The following RAB10 variants were observed in gnomAD, a reference collection of about 807,000 sequenced individuals.
The protein encoded by RAB10 is RAB10, member RAS oncogene family, also known as ras-related protein Rab-10.
Under a neutral mutation model 25.7 loss-of-function variants are expected in RAB10, and 5 were observed. The observed-to-expected ratio is 0.19, with a 90% CI of 0.10 to 0.41. RAB10 has a LOEUF of 0.41. RAB10 is among the 10% of genes least tolerant of loss of function. RAB10 has a pLI of 1.00. For missense variants in RAB10, 103 were observed against 245.8 expected (o/e 0.42, Z 3.89); for synonymous variants, 89 against 86.4 (o/e 1.03, Z -0.16).
intron 1 of RAB10, among the ~76,000 whole-genome samples, chr2:26,073,863 A>G (rs1321125865): frequency 6.6e-6 from 1 of 152,176 alleles, no homozygotes; most frequent in Non-Finnish European, 1.5e-5. Context: ...ATAGAATCGG[A>G]GGGTTTCTAG....
At chr2:26,118,614 C>T (rs1488257060) in intron 3 of RAB10, among the ~76,000 whole-genome samples, 4 of 152,124 alleles carry the variant, frequency 2.6e-5, no homozygotes, top group Admixed American at 6.5e-5. Context: ...AGACAGTGAT[C>T]TCTAAATCTG....
In RAB10 at chr2:26,034,490, C is replaced by A; in HGVS notation, c.-119C>A. On this transcript the variant is annotated 5_prime_UTR_variant, in exon 1 of 6. Coordinates refer to ENST00000264710, the MANE Select transcript of RAB10 (RefSeq NM_016131.5). ...GTAGGTCGCCCGCGCCGTCTCGAGC[C>A]TTTTTCCCACGCTTCCCCGGTCCTC... 7.1e-7 allele frequency: 1 copy of A among 1,414,466 alleles called. No individual in the cohort carries two copies. The highest frequency in any genetic ancestry group is 9.6e-7 in the Non-Finnish European group (1 of 1,045,784). The allele number at this position is 1,414,466 out of a possible 1,614,324, so 87.6% of individuals were successfully genotyped here.
At chr2:26,122,074 T>A (rs1303787501) in intron 3 of RAB10, among the ~76,000 whole-genome samples, 1 of 152,194 alleles carries the variant, frequency 6.6e-6, no homozygotes, top group Non-Finnish European at 1.5e-5. Flanking sequence ...GAAGCAATCC[T>A]GAGAAACAGA....
intron 3 of RAB10, among the ~76,000 whole-genome samples, chr2:26,119,032 G>C (rs1446689327): frequency 4.6e-5 from 7 of 152,292 alleles, no homozygotes; most frequent in African/African-American, 1.2e-4. Flanking sequence ...TCTGAGTGCT[G>C]TTTTATTGGT....
chr2:26,117,380 G>A (rs962874204), intron 3 of RAB10, among the ~76,000 whole-genome samples: 3 of 152,072 alleles, frequency 2.0e-5, no homozygotes, highest in African/African-American at 7.2e-5. Context: ...TTGGGAGGCC[G>A]AGGCTGGCGG....
chr2:26,037,852 G>A (rs1316730371), intron 1 of RAB10, among the ~76,000 whole-genome samples: 1 of 151,990 alleles, frequency 6.6e-6, no homozygotes, highest in Admixed American at 6.6e-5. Flanking sequence ...CCTGCACACC[G>A]TGGTACCCAA....
At chr2:26,066,399 C>T (rs763892944) in intron 1 of RAB10, among the ~76,000 whole-genome samples, 1 of 152,204 alleles carries the variant, frequency 6.6e-6, no homozygotes, top group Non-Finnish European at 1.5e-5. Flanking sequence ...CACAATTTTA[C>T]AATAACTGCT....
At chr2:26,048,832 C>G (rs1350381051) in intron 1 of RAB10, among the ~76,000 whole-genome samples, 1 of 152,142 alleles carries the variant, frequency 6.6e-6, no homozygotes, top group Non-Finnish European at 1.5e-5. Context: ...GCTGTGATCA[C>G]TCCAGCCTGG....
chr2:26,054,254 A>G (rs1208419885), intron 1 of RAB10, among the ~76,000 whole-genome samples: 11 of 151,224 alleles, frequency 7.3e-5, no homozygotes, highest in Admixed American at 5.9e-4. Context: ...GGGTTTCACC[A>G]TGTTGACCAG....
At position 26,135,489 on chromosome 2, in the gene RAB10, A is replaced by T. The variant is rs1030191844; in HGVS notation, c.*468A>T. The T allele has an allele frequency of 6.5e-5, 10 of 152,960 alleles. No individual in the cohort carries two copies. Among genetic ancestry groups the T allele is most frequent in the African/African-American group, 2.2e-4 (9 of 41,460 alleles). The allele number at this position is 152,960 out of a possible 1,614,324, so 9.5% of individuals were successfully genotyped here. On this transcript the variant is annotated 3_prime_UTR_variant, in exon 6 of 6. Transcript: ENST00000264710. ...ACAAACAAAAGCCAGGAAAACACTC[A>T]TTTTCGCCTTGAATATGTAAATGGG...
At chr2:26,122,395 A>G (rs1029493716) in intron 3 of RAB10, among the ~76,000 whole-genome samples, 3 of 152,136 alleles carry the variant, frequency 2.0e-5, no homozygotes, top group Non-Finnish European at 4.4e-5. Context: ...TTGGGAGGCC[A>G]AGGCGGGCAG....
chr2:26,056,859 C>T (rs1008996953), intron 1 of RAB10, among the ~76,000 whole-genome samples: 1 of 151,990 alleles, frequency 6.6e-6, no homozygotes, highest in Non-Finnish European at 1.5e-5. Context: ...AACTCCTGGC[C>T]TCAAGCGATC....
At chr2:26,085,362 C>T (rs1238301722) in intron 1 of RAB10, among the ~76,000 whole-genome samples, 5 of 151,482 alleles carry the variant, frequency 3.3e-5, no homozygotes, top group East Asian at 3.9e-4. Context: ...TGGTGACGCG[C>T]GCCTGGTATT....
chr2:26,084,708 C>CTTT (rs577640004), intron 1 of RAB10, among the ~76,000 whole-genome samples: 5,144 of 31,780 alleles, frequency 0.16, 295 homozygotes, highest in African/African-American at 0.45. Context: ...ACATTTTACC[C>CTTT]CTTCAGTTTC....
chr2:26,089,156 G>A (rs1162788306), intron 1 of RAB10, among the ~76,000 whole-genome samples: 1 of 152,016 alleles, frequency 6.6e-6, no homozygotes, highest in Non-Finnish European at 1.5e-5. Context: ...CGGGCACGAT[G>A]GCTCATGCCT....
At position 26,081,355 on chromosome 2, in the gene RAB10, C is replaced by T. The variant is rs141990470; in HGVS notation, c.128-17307C>T. On this transcript the variant is annotated intron_variant, in intron 1 of 5. Transcript: ENST00000264710. ...GGTAAAACTTCATATCTGTGATGTTCTGTGACATTCCTGACTCCTCCACCC... is the reference window on the plus strand; with the variant it reads ...GGTAAAACTTCATATCTGTGATGTTTTGTGACATTCCTGACTCCTCCACCC... Among the ~76,000 whole-genome samples the T allele has an allele frequency of 8.7e-3, 1,324 of 152,214 alleles. 12 individuals carry two copies. Among genetic ancestry groups the T allele is most frequent in the Non-Finnish European group, 0.014 (938 of 67,996 alleles).
At chr2:26,057,046 G>T (rs549474346) in intron 1 of RAB10, among the ~76,000 whole-genome samples, 2 of 152,314 alleles carry the variant, frequency 1.3e-5, no homozygotes, top group East Asian at 3.9e-4. Context: ...ACTGCCACTG[G>T]CTGGGCCAAT....
intron 1 of RAB10, among the ~76,000 whole-genome samples, chr2:26,058,601 T>C (rs1430797929): frequency 6.6e-6 from 1 of 152,116 alleles, no homozygotes; most frequent in Non-Finnish European, 1.5e-5. Context: ...GAGCTTCAAC[T>C]CCTAACTTAG....
intron 1 of RAB10, among the ~76,000 whole-genome samples, chr2:26,070,780 A>G (rs41373446): frequency 0.033 from 5,006 of 152,274 alleles, 248 homozygotes; most frequent in African/African-American, 0.11. Context: ...ACATAATAGA[A>G]GCATCCCATT....
Sources: allele counts gnomAD v4.1 joint callset (sites outside exome capture counted in the v4.1 genomes callset), GRCh38; gene constraint gnomAD v4.1.1; transcripts MANE v1.5; gene names NCBI Gene and HGNC (gene_info 2026-07-23, HGNC 2026-07-21).